ATR: variants seen among roughly 807,000 people sequenced by gnomAD.
ATR encodes serine/threonine-protein kinase ATR.
A neutral mutation model predicts 305.3 loss-of-function variants in ATR; 142 were observed. That is an observed-to-expected ratio of 0.47 (90% CI 0.41 to 0.53). The LOEUF (loss-of-function observed/expected upper bound fraction) is 0.53. ATR is among the 20% of genes least tolerant of loss of function. The pLI is 0.00. For synonymous variants in ATR, 1,050 were observed against 1,068.1 expected (o/e 0.98, Z 0.33); for missense variants, 2,135 against 3,133.1 (o/e 0.68, Z 7.60).
At chr3:142,570,416 C>T (rs954206813) in intron 1 of ATR, among the ~76,000 whole-genome samples, 1 of 152,112 alleles carries the variant, frequency 6.6e-6, no homozygotes, top group Non-Finnish European at 1.5e-5. Context: ...GACAGAGTTT[C>T]ACTCTTGTTG....
Position 142,476,832 on chromosome 3 carries a change from G to A in ATR, c.6222-6649C>T, listed in dbSNP as rs199586486. On this transcript the variant is annotated intron_variant, in intron 36 of 46. Coordinates refer to ENST00000350721, the MANE Select transcript of ATR (RefSeq NM_001184.4). The stretch of plus-strand genomic sequence containing the variant: ...CACATCCCTTGTAAGTTGGATTCCT[G>A]GGTATTTTATTCTCTTTGAAGCAAT... 4.3e-3 allele frequency among the ~76,000 whole-genome samples: 657 copies of A among 152,110 alleles called. 4 individuals are homozygous for A. The highest frequency in any genetic ancestry group is 0.015 in the African/African-American group (623 of 41,498).
At chr3:142,508,214 G>T in intron 27 of ATR, 105 bp from the exon 28 acceptor site, 1 of 914,464 alleles carries the variant, frequency 1.1e-6, no homozygotes, top group South Asian at 1.7e-5. Flanking sequence ...AAATTAATCT[G>T]AATATATTAG....
chr3:142,547,028 T>A (rs1191110316), intron 16 of ATR, among the ~76,000 whole-genome samples: 1 of 152,190 alleles, frequency 6.6e-6, no homozygotes, highest in Non-Finnish European at 1.5e-5. Context: ...ACAAAAAAAA[T>A]TTGCAACCTC....
At chr3:142,516,798 T>C (rs2032880099) in intron 24 of ATR, among the ~76,000 whole-genome samples, 1 of 152,042 alleles carries the variant, frequency 6.6e-6, no homozygotes, top group Admixed American at 6.6e-5. Context: ...CACTTCTCTC[T>C]CACATTACTT....
chr3:142,512,130 A>G (rs1278242342), intron 27 of ATR, 130 bp downstream of exon 27: 1 of 890,780 alleles, frequency 1.1e-6, no homozygotes. Context: ...AAACAACAAC[A>G]ACAACAATAA....
At chr3:142,526,301 A>G (rs1559965034) in intron 21 of ATR, among the ~76,000 whole-genome samples, 1 of 152,088 alleles carries the variant, frequency 6.6e-6, no homozygotes, top group African/African-American at 2.4e-5. Context: ...AATGGAGATA[A>G]TTTTACATCT....
chr3:142,540,111 C>T (rs185581338), intron 18 of ATR, among the ~76,000 whole-genome samples: 54 of 152,042 alleles, frequency 3.6e-4, no homozygotes, highest in African/African-American at 1.2e-3. Context: ...ATCTAAGTAC[C>T]CATTTATAGA....
chr3:142,512,607 TC>T, intron 26 of ATR, 137 bp from the exon 27 acceptor site: 2 of 683,904 alleles, frequency 2.9e-6, no homozygotes, highest in Non-Finnish European at 4.4e-6. Context: ...TGGCCTGTAA[TC>T]CCAGCACTTT....
intron 36 of ATR, among the ~76,000 whole-genome samples, chr3:142,480,005 T>G (rs1249019473): frequency 6.6e-6 from 1 of 152,124 alleles, no homozygotes; most frequent in Non-Finnish European, 1.5e-5. Flanking sequence ...TTTTTCAAGG[T>G]TTTTAACTTC....
At chr3:142,557,189 C>T (rs1024672263) in intron 8 of ATR, among the ~76,000 whole-genome samples, 4 of 151,740 alleles carry the variant, frequency 2.6e-5, no homozygotes, top group Non-Finnish European at 5.9e-5. Flanking sequence ...TTAATGTGCT[C>T]TTTCAGCAGA....
chr3:142,451,131 T>C (rs1040920707), intron 46 of ATR: 28 of 1,248,452 alleles, frequency 2.2e-5, no homozygotes, highest in Admixed American at 1.5e-4. Context: ...TGTAATTCCC[T>C]CCTAGAGGAG....
chr3:142,565,249 C>T (rs982343739), intron 3 of ATR, among the ~76,000 whole-genome samples: 1 of 151,938 alleles, frequency 6.6e-6, no homozygotes, highest in African/African-American at 2.4e-5. Context: ...AAAGGAATAA[C>T]CAAGCCAGTT....
Position 142,498,196 on chromosome 3 carries a change from T to C in ATR, c.5558+401A>G, listed in dbSNP as rs892800583. Among the ~76,000 whole-genome samples, 9 of 152,332 alleles carry C rather than the reference T, an allele frequency of 5.9e-5. No individual in the cohort carries two copies. In the South Asian group the frequency reaches 8.3e-4, roughly 14 times the overall value. ...TCTTCACCTATAAAAGTTAATATTC[T>C]TTCTAGTAATGTGATGCCTATATTT... On this transcript the variant is annotated intron_variant, in intron 32 of 46. Transcript: ENST00000350721.
chr3:142,551,139 C>T (rs182802522), intron 13 of ATR, among the ~76,000 whole-genome samples: 4 of 152,252 alleles, frequency 2.6e-5, no homozygotes, highest in African/African-American at 9.6e-5. Context: ...AAACCAGGCA[C>T]AGTGGCTCAT....
intron 36 of ATR, among the ~76,000 whole-genome samples, chr3:142,482,540 A>T (rs1167728925): frequency 2.0e-5 from 3 of 152,172 alleles, no homozygotes; most frequent in Non-Finnish European, 4.4e-5. Context: ...CTCATTTTTC[A>T]AAAGAACTGG....
At chr3:142,542,155 A>ATGAC (rs2034075275) in intron 17 of ATR, among the ~76,000 whole-genome samples, 6 of 152,184 alleles carry the variant, frequency 3.9e-5, no homozygotes, top group Admixed American at 3.3e-4. Context: ...GTTCAAAAAC[A>ATGAC]CCATGAGCCA....
At chr3:142,534,328 C>T (rs1411151335) in intron 21 of ATR, among the ~76,000 whole-genome samples, 1 of 152,084 alleles carries the variant, frequency 6.6e-6, no homozygotes, top group Non-Finnish European at 1.5e-5. Context: ...TGGCTGCTAC[C>T]CACATTGGTT....
chr3:142,537,666 T>C (rs1470283124), intron 19 of ATR, among the ~76,000 whole-genome samples: 6 of 152,002 alleles, frequency 3.9e-5, no homozygotes. Flanking sequence ...TATGGGTGAG[T>C]AGGTAAATAA....
At chr3:142,485,687 A>C (rs2030873467) in intron 35 of ATR, among the ~76,000 whole-genome samples, 1 of 152,220 alleles carries the variant, frequency 6.6e-6, no homozygotes, top group African/African-American at 2.4e-5. Flanking sequence ...AAGCAGAAGT[A>C]ATATCAAGTC....
Sources: allele counts gnomAD v4.1 joint callset (sites outside exome capture counted in the v4.1 genomes callset), GRCh38; gene constraint gnomAD v4.1.1; transcripts MANE v1.5; gene names NCBI Gene and HGNC (gene_info 2026-07-23, HGNC 2026-07-21).